Variants in ZFAND4 observed in about 807,000 individuals in gnomAD.
ZFAND4 encodes the protein zinc finger AN1-type containing 4, also known as AN1-type zinc finger protein 4.
In ZFAND4, 43 loss-of-function variants were observed where a neutral mutation model predicts 64.4. The observed-to-expected ratio is 0.67, with a 90% CI of 0.52 to 0.86. The LOEUF (loss-of-function observed/expected upper bound fraction) is 0.86, where lower values mean the gene tolerates loss of function less well. ZFAND4 is among the 40% of genes least tolerant of loss of function. ZFAND4 has a pLI of 0.00. For missense variants in ZFAND4, 929 were observed against 859.8 expected (o/e 1.08, Z -1.01); for synonymous variants, 296 against 305.7 (o/e 0.97, Z 0.33).
chr10:45,627,340 A>G (rs1159468777), intron 6 of ZFAND4, among the ~76,000 whole-genome samples: 1 of 152,152 alleles, frequency 6.6e-6, no homozygotes, highest in Admixed American at 6.6e-5. Context: ...TTATTTCCTT[A>G]CTGCTGTTTC....
chr10:45,645,429 T>C (rs947668625), intron 5 of ZFAND4, among the ~76,000 whole-genome samples: 31 of 152,232 alleles, frequency 2.0e-4, no homozygotes, highest in African/African-American at 7.2e-4. Flanking sequence ...GGTGGCTTAC[T>C]GGTAATAAAG....
Position 45,626,141 on chromosome 10 carries a change from A to G in ZFAND4, c.1682T>C (p.Val561Ala). ...EMTNKASKEPVGCVNNISFLA... is the reference protein window; with the variant it reads ...EMTNKASKEPAGCVNNISFLA... ...AAAACTGATATTATTTACACAACCA[A>G]CAGGCTCTTTGGAAGCCTTGTTAGT... Residue 561 changes from valine (V) to alanine (A), a missense_variant, in exon 7 of 10, where the codon GTT becomes GCT. Transcript: ENST00000344646. 1 of 1,614,158 alleles carries G rather than the reference A, an allele frequency of 6.2e-7. No individual in the cohort carries two copies. Among genetic ancestry groups the G allele is most frequent in the South Asian group, 1.1e-5 (1 of 91,086 alleles).
At chr10:45,625,367 G>A in intron 7 of ZFAND4, among the ~76,000 whole-genome samples, 1 of 151,064 alleles carries the variant, frequency 6.6e-6, no homozygotes, top group Non-Finnish European at 1.5e-5. Flanking sequence ...CCAGCTACTT[G>A]GGAGCCTGAG....
Position 45,626,857 on chromosome 10 carries a change from G to C in ZFAND4, c.966C>G (p.Ser322Arg), listed in dbSNP as rs764132017. Residue 322 changes from serine (S) to arginine (R), a missense_variant, in exon 7 of 10, where the codon AGC becomes AGG. Ser to Arg is a moderately radical substitution (Grantham distance 110). Transcript: ENST00000344646. ...ITGEFLKEDNSWENNTLSHFS... is the reference protein window; with the variant it reads ...ITGEFLKEDNRWENNTLSHFS... ...AGTGAGACAGTGTGTTATTCTCCCA[G>C]CTATTATCTTCCTTAAGAAATTCAC... The C allele has an allele frequency of 6.2e-7, 1 of 1,614,196 alleles. No homozygotes were observed. Among genetic ancestry groups the C allele is most frequent in the Non-Finnish European group, 8.5e-7 (1 of 1,180,042 alleles).
At chr10:45,669,434 C>T (rs1052136538) in intron 1 of ZFAND4, among the ~76,000 whole-genome samples, 4 of 152,148 alleles carry the variant, frequency 2.6e-5, no homozygotes, top group Admixed American at 2.0e-4. Flanking sequence ...GATTCACAGC[C>T]AAATTCTACC....
In ZFAND4 at chr10:45,620,503, G is replaced by A. The variant is rs558427655; in HGVS notation, c.1928-2243C>T. Among the ~76,000 whole-genome samples, 23 of 152,132 alleles carry A rather than the reference G, an allele frequency of 1.5e-4. No individual in the cohort carries two copies. In the East Asian group the frequency reaches 3.7e-3, roughly 24 times the overall value. On this transcript the variant is annotated intron_variant, in intron 8 of 9. Transcript: ENST00000344646. ...CTGTCTAAAAAAAAAGAACTCTTGC[G>A]AATGTGTAGAGACAGAGAATACATT...
At chr10:45,627,424 C>A (rs199846413) in intron 6 of ZFAND4, among the ~76,000 whole-genome samples, 1 of 150,974 alleles carries the variant, frequency 6.6e-6, no homozygotes, top group East Asian at 2.0e-4. Flanking sequence ...AGATCTCCAA[C>A]AATTTTTCCT....
At chr10:45,641,981 T>C (rs2047031079) in intron 5 of ZFAND4, among the ~76,000 whole-genome samples, 1 of 152,178 alleles carries the variant, frequency 6.6e-6, no homozygotes, top group Non-Finnish European at 1.5e-5. Context: ...ACTTACTGCA[T>C]CATGCTTGTG....
intron 5 of ZFAND4, among the ~76,000 whole-genome samples, chr10:45,647,012 A>G (rs1266195197): frequency 2.0e-5 from 3 of 152,218 alleles, no homozygotes; most frequent in African/African-American, 7.2e-5. Context: ...GTGGAGGGGC[A>G]GAAGCCTAGG....
intron 8 of ZFAND4, among the ~76,000 whole-genome samples, chr10:45,622,195 C>T (rs2045479741): frequency 6.6e-6 from 1 of 152,130 alleles, no homozygotes; most frequent in African/African-American, 2.4e-5. Context: ...AACAAATCCT[C>T]GTATACATGA....
chr10:45,636,719 G>T (rs1203774819), intron 6 of ZFAND4, among the ~76,000 whole-genome samples: 1 of 152,014 alleles, frequency 6.6e-6, no homozygotes, highest in African/African-American at 2.4e-5. Context: ...CACTTAAAAA[G>T]AAATGTGTAC....
At chr10:45,636,977 T>A (rs1270988643) in intron 6 of ZFAND4, among the ~76,000 whole-genome samples, 2 of 148,668 alleles carry the variant, frequency 1.3e-5, no homozygotes, top group Non-Finnish European at 3.0e-5. Flanking sequence ...TTTTTCTTAA[T>A]AGAGCTAAGT....
At chr10:45,656,501 C>CAAAAAAAAAAAAAAAAAAAAAAAAAAA (rs541781976) in intron 2 of ZFAND4, among the ~76,000 whole-genome samples, 4 of 24,714 alleles carry the variant, frequency 1.6e-4, no homozygotes, top group Non-Finnish European at 2.1e-4. Flanking sequence ...GAACCTGTCT[C>CAAAAAAAAAAAAAAAAAAAAAAAAAAA]AAAAAAAAAA....
At position 45,672,696 on chromosome 10, in the gene ZFAND4, GGCTC is replaced by G. The variant is rs1361551224; in HGVS notation, c.-568_-565del. 1 of 152,166 alleles carries G rather than the reference GGCTC, an allele frequency of 6.6e-6. No homozygotes were observed. Among genetic ancestry groups the G allele is most frequent in the Non-Finnish European group, 1.5e-5 (1 of 68,044 alleles). The allele number at this position is 152,166 out of a possible 1,614,324, so 9.4% of individuals were successfully genotyped here. A position where few individuals can be genotyped will look rare whatever the true frequency, so the allele number is the denominator to read the frequency against. On this transcript the variant is annotated 5_prime_UTR_variant, in exon 1 of 10. Transcript: ENST00000344646. Reference sequence around the variant, plus strand: ...AGCCTCACCCGCAGTCTTGTCCGCTGGCTCGCTCGCCCGCCTACAGGTCGACAGG... The same window carrying G: ...AGCCTCACCCGCAGTCTTGTCCGCTGGCTCGCCCGCCTACAGGTCGACAGG...
At chr10:45,643,739 A>G (rs1240484454) in intron 5 of ZFAND4, among the ~76,000 whole-genome samples, 1 of 152,092 alleles carries the variant, frequency 6.6e-6, no homozygotes, top group Non-Finnish European at 1.5e-5. Flanking sequence ...AGACTAAAAA[A>G]AGACTGATGC....
rs373671145 is a variant in ZFAND4, at chr10:45,626,345, T to C, written c.1478A>G (p.Gln493Arg). The change falls in exon 7 of 10, where the codon CAG becomes CGG. Residue 493 changes from glutamine to arginine, a missense_variant. By Grantham distance (43) the Gln-to-Arg change is conservative. Coordinates refer to ENST00000344646, the MANE Select transcript of ZFAND4 (RefSeq NM_174890.4). ...LHNSLVKPER[Q>R]SKCFEFGKLQ... ...CTTCCCAAACTCAAAACATTTGGAC[T>C]GTCTCTCTGGTTTCACCAGAGAATT... 9 of 1,614,106 alleles carry C rather than the reference T, an allele frequency of 5.6e-6. No homozygotes were observed. The highest frequency in any genetic ancestry group is 6.8e-6 in the Non-Finnish European group (8 of 1,180,056).
intron 8 of ZFAND4, among the ~76,000 whole-genome samples, chr10:45,622,889 A>C (rs1273269428): frequency 6.6e-6 from 1 of 152,014 alleles, no homozygotes; most frequent in African/African-American, 2.4e-5. Context: ...TCTTTAATAA[A>C]GCTGGATACA....
chr10:45,631,362 T>C (rs571808877), intron 6 of ZFAND4, among the ~76,000 whole-genome samples: 19 of 131,766 alleles, frequency 1.4e-4, no homozygotes, highest in Non-Finnish European at 2.3e-4. Context: ...AAAAAACAAA[T>C]AAAGTACTAA....
At chr10:45,623,780 T>G (rs771822732) in intron 8 of ZFAND4, among the ~76,000 whole-genome samples, 1 of 152,232 alleles carries the variant, frequency 6.6e-6, no homozygotes, top group Non-Finnish European at 1.5e-5. Flanking sequence ...ATTTATGTTA[T>G]GTTTATTTTA....
Sources: gnomAD v4.1 joint callset for allele counts (sites outside exome capture counted in the v4.1 genomes callset) on GRCh38, gnomAD v4.1.1 for gene constraint, MANE v1.5 for transcripts, NCBI Gene and HGNC (gene_info 2026-07-23, HGNC 2026-07-21) for gene names.